Variants in CTBP1 observed in about 807,000 individuals in gnomAD.
CTBP1 encodes C-terminal-binding protein 1.
In CTBP1, 11 loss-of-function variants were observed where a neutral mutation model predicts 42.1. The ratio of observed to expected loss-of-function variants is 0.26; its 90% CI spans 0.16 to 0.43. The LOEUF (loss-of-function observed/expected upper bound fraction) is 0.43. Among genes scored for constraint, CTBP1 ranks in the 20% least tolerant of loss-of-function variants. The pLI is 1.00. For synonymous variants in CTBP1, 324 were observed against 277.1 expected (o/e 1.17, Z -1.68); for missense variants, 399 against 624.3 (o/e 0.64, Z 3.85).
Position 1,214,399 on chromosome 4 carries a change from C to T in CTBP1, c.804G>A (p.Leu268=). Residue 268 remains leucine, a synonymous_variant, in exon 7 of 10, where the codon CTG becomes CTA. Coordinates refer to ENST00000382952, the MANE Select transcript of CTBP1 (RefSeq NM_001012614.2). ...CCGCGCCGCGGATCCGGCCCTCCTTCAGGGCCTGGGCCAGCGCCTTCTCAT... is the reference window on the plus strand; with the variant it reads ...CCGCGCCGCGGATCCGGCCCTCCTTTAGGGCCTGGGCCAGCGCCTTCTCAT... ...LVDEKALAQA[L]KEGRIRGAAL... 1 of 1,567,034 alleles carries T rather than the reference C, an allele frequency of 6.4e-7. No homozygotes were observed.
chr4:1,217,395 G>C (rs1003426361), intron 5 of CTBP1: 1 of 152,398 alleles, frequency 6.6e-6, no homozygotes, highest in African/African-American at 2.4e-5. Flanking sequence ...GGTGGGAGCA[G>C]CAGTTCTGAG....
rs1196356884 is a variant in CTBP1, at chr4:1,235,801, G to C, written c.162+2382C>G. The C allele has an allele frequency of 3.9e-5, 6 of 152,218 alleles. No individual in the cohort carries two copies. Among genetic ancestry groups the C allele is most frequent in the African/African-American group, 1.4e-4 (6 of 41,444 alleles). The allele number at this position is 152,218 out of a possible 1,614,324, so 9.4% of individuals were successfully genotyped here. ...TTTGCATGTGATGGACCCCGCACCA[G>C]ATGGTGATTTGTAGAAATGACCCGA... On this transcript the variant is annotated intron_variant, in intron 3 of 9. Transcript: ENST00000382952. The surrounding 1 kb of genome is among the most constrained non-coding windows in gnomAD (Gnocchi z 4.2).
chr4:1,241,849 C>A, intron 1 of CTBP1: 1 of 1,152,520 alleles, frequency 8.7e-7, no homozygotes, highest in Non-Finnish European at 1.1e-6. Context: ...GTCCAAGAAC[C>A]AGGGGACGGA....
At chr4:1,248,183 G>A (rs1163910495) in intron 1 of CTBP1, among the ~76,000 whole-genome samples, 3 of 152,026 alleles carry the variant, frequency 2.0e-5, no homozygotes, top group Middle Eastern at 3.2e-3. Context: ...CGCGGCCGCA[G>A]CCCGCGAGGA....
intron 3 of CTBP1, among the ~76,000 whole-genome samples, chr4:1,234,488 G>T (rs1458523353): frequency 6.6e-6 from 1 of 152,186 alleles, no homozygotes; most frequent in Non-Finnish European, 1.5e-5. Flanking sequence ...TCTGCCCTGG[G>T]CTGTGCAGCC....
intron 2 of CTBP1, among the ~76,000 whole-genome samples, chr4:1,239,425 C>G (rs900017): frequency 0.82 from 124,775 of 152,212 alleles, 52,160 homozygotes; most frequent in East Asian, 0.97. Flanking sequence ...GGGAGGCGCA[C>G]GACAGAACCA....
chr4:1,221,270 G>A (rs1017599575), intron 5 of CTBP1, among the ~76,000 whole-genome samples: 1 of 152,196 alleles, frequency 6.6e-6, no homozygotes, highest in African/African-American at 2.4e-5. Flanking sequence ...CTGCTGGAAG[G>A]GCTAGAATTA....
rs114601525 is a variant in CTBP1 at position 1,242,156 on chromosome 4, A to G, written c.-188-637T>C. The G allele has an allele frequency of 3.7e-4, 360 of 985,412 alleles. 3 individuals carry two copies. In the African/African-American group the frequency reaches 5.5e-3, roughly 15 times the overall value. The allele number at this position is 985,412 out of a possible 1,614,324, so 61.0% of individuals were successfully genotyped here. A position where few individuals can be genotyped will look rare whatever the true frequency, so the allele number is the denominator to read the frequency against. On this transcript the variant is annotated intron_variant, in intron 1 of 9. Coordinates refer to ENST00000382952, the MANE Select transcript of CTBP1 (RefSeq NM_001012614.2). ...CCGCTACGGCCAGGGCCTGGCGGGAAGCTGAGGGCACGAACCCCAGTGGCT... is the reference window on the plus strand; with the variant it reads ...CCGCTACGGCCAGGGCCTGGCGGGAGGCTGAGGGCACGAACCCCAGTGGCT...
intron 1 of CTBP1, 55 bp downstream of exon 1, chr4:1,248,855 GCGGCAC>G: frequency 3.4e-6 from 3 of 875,972 alleles, no homozygotes; most frequent in Non-Finnish European, 2.7e-6. Flanking sequence ...CCCCGCCCGC[GCGGCAC>G]CCGCCCCGCC....
chr4:1,246,789 C>G (rs1199691359), intron 1 of CTBP1, among the ~76,000 whole-genome samples: 2 of 152,244 alleles, frequency 1.3e-5, no homozygotes, highest in African/African-American at 2.4e-5. Context: ...GCCTCTCGAG[C>G]CTGGGGCCCG....
chr4:1,227,709 T>C (rs1730524418), intron 4 of CTBP1, among the ~76,000 whole-genome samples: 1 of 151,824 alleles, frequency 6.6e-6, no homozygotes, highest in South Asian at 2.1e-4. Context: ...CGGATGCAGA[T>C]GTGCGTGTTC....
At chr4:1,224,897 A>G (rs1012801842) in intron 5 of CTBP1, among the ~76,000 whole-genome samples, 11 of 146,456 alleles carry the variant, frequency 7.5e-5, no homozygotes, top group Admixed American at 6.1e-4. Context: ...CAGTATGTGT[A>G]CTGTGACATC....
chr4:1,237,172 C>T (rs76602977), intron 3 of CTBP1: 6 of 659,520 alleles, frequency 9.1e-6, no homozygotes, highest in Non-Finnish European at 2.8e-6. Flanking sequence ...CCTGATGGGG[C>T]TCAGGATAAA....
Position 1,248,518 on chromosome 4 carries a change from C to T in CTBP1, c.-189+398G>A, listed in dbSNP as rs1439104886. 5.3e-5 allele frequency: 14 copies of T among 264,588 alleles called. No individual in the cohort carries two copies. The East Asian group carries it at 2.3e-3, about 44-fold the overall frequency. 16.4% of individuals were successfully genotyped at this position (264,588 alleles called of 1,614,324 possible). A position where few individuals can be genotyped will look rare whatever the true frequency, so the allele number is the denominator to read the frequency against. On this transcript the variant is annotated intron_variant, in intron 1 of 9. Coordinates refer to ENST00000382952, the MANE Select transcript of CTBP1 (RefSeq NM_001012614.2). ...CCCGCCCCATCCCGGCCCCGCAGGC[C>T]CAGCCACGGGGTCATGACCGGGGAC...
chr4:1,242,658 G>T, intron 1 of CTBP1: 1 of 985,408 alleles, frequency 1.0e-6, no homozygotes. Flanking sequence ...GGCAGGTGCT[G>T]TGTGGGACTC....
intron 1 of CTBP1, chr4:1,244,740 G>C (rs781201848): frequency 2.0e-6 from 2 of 985,156 alleles, no homozygotes; most frequent in Admixed American, 6.1e-5. Context: ...CTCCGGGCTC[G>C]AGTGGCCCTC....
chr4:1,240,280 G>T (rs1386623876), intron 2 of CTBP1, among the ~76,000 whole-genome samples: 2 of 114,706 alleles, frequency 1.7e-5, no homozygotes, highest in Admixed American at 1.9e-4. Context: ...GTCCCTCGTC[G>T]GAACCGCCTG....
intron 4 of CTBP1, among the ~76,000 whole-genome samples, chr4:1,227,763 G>A (rs1730532673): frequency 6.6e-6 from 1 of 152,146 alleles, no homozygotes; most frequent in Non-Finnish European, 1.5e-5. Flanking sequence ...CATGTGCTGA[G>A]TGCACAGGTG....
At position 1,242,105 on chromosome 4, in the gene CTBP1, CA is replaced by C. The variant is rs896681544; in HGVS notation, c.-188-587del. On this transcript the variant is annotated intron_variant, in intron 1 of 9. Transcript: ENST00000382952. ...CCTGGCGACGCTCCCTCAATTCTCC[CA>C]AAAAAACTGCTCAGCTCTTCCTGAC... is the stretch of plus-strand genomic sequence containing the variant. The C allele has an allele frequency of 4.7e-5, 46 of 985,384 alleles. No individual in the cohort carries two copies. In the Admixed American group the frequency reaches 8.0e-4, roughly 17 times the overall value. 61.0% of individuals were successfully genotyped at this position (985,384 alleles called of 1,614,324 possible).
Sources: gnomAD v4.1 joint callset for allele counts (sites outside exome capture counted in the v4.1 genomes callset) on GRCh38, gnomAD v4.1.1 for gene constraint, Gnocchi (gnomAD v3.1) non-coding constraint, MANE v1.5 for transcripts, NCBI Gene and HGNC (gene_info 2026-07-23, HGNC 2026-07-21) for gene names.